The following CDK15 variants were observed in gnomAD, a reference collection of about 807,000 sequenced individuals.
CDK15 encodes the protein cyclin dependent kinase 15.
Under a neutral mutation model 60.3 loss-of-function variants are expected in CDK15, and 62 were observed. The observed-to-expected ratio is 1.03, with a 90% CI of 0.84 to 1.27. The LOEUF (loss-of-function observed/expected upper bound fraction) is 1.27. CDK15 is among the 50% of genes most tolerant of loss of function. The probability of loss-of-function intolerance (pLI) is 0.00; values close to 1 mark genes in which losing one functional copy is unlikely to be tolerated. For synonymous variants in CDK15, 194 were observed against 195.7 expected (o/e 0.99, Z 0.07); for missense variants, 541 against 527.8 (o/e 1.03, Z -0.25).
chr2:201,815,263 C>T (rs1371128581), intron 4 of CDK15, among the ~76,000 whole-genome samples: 1 of 152,102 alleles, frequency 6.6e-6, no homozygotes, highest in Non-Finnish European at 1.5e-5. Flanking sequence ...TTCTTTCAAT[C>T]CTCTTAACAA....
intron 12 of CDK15, chr2:201,889,238 G>A (rs1469407297): frequency 9.1e-6 from 9 of 985,230 alleles, no homozygotes; most frequent in Non-Finnish European, 1.1e-5. Flanking sequence ...CTCTCTTTTT[G>A]TTAAATTGTG....
chr2:201,833,935 A>G lies in CDK15; in HGVS notation c.694A>G (p.Ile232Val). 1 of 1,613,848 alleles carries G rather than the reference A, an allele frequency of 6.2e-7. No homozygotes were observed. Among genetic ancestry groups the G allele is most frequent in the Non-Finnish European group, 8.5e-7 (1 of 1,179,930 alleles). Reference protein sequence around the residue: ...HRDLKPQNLLISHLGELKLAD... With the variant: ...HRDLKPQNLLVSHLGELKLAD... ...GGACCTGAAACCTCAGAACTTACTC[A>G]TCAGTCACCTGGGAGAGCTCAAACT... The change falls in exon 7 of 14, where the codon ATC (isoleucine) becomes GTC (valine). Residue 232 changes from isoleucine (I) to valine (V), a missense_variant. Ile to Val is a conservative substitution (Grantham distance 29, BLOSUM62 3). Coordinates refer to ENST00000652192, the MANE Select transcript of CDK15 (RefSeq NM_001366386.2).
At chr2:201,819,235 G>A (rs551047042) in intron 4 of CDK15, among the ~76,000 whole-genome samples, 181 of 152,222 alleles carry the variant, frequency 1.2e-3, no homozygotes, top group Non-Finnish European at 2.1e-3. Context: ...TCACTTGAGC[G>A]GAGGCTCTGA....
chr2:201,822,659 A>G, intron 4 of CDK15, 150 bp from the exon 5 acceptor site: 1 of 534,502 alleles, frequency 1.9e-6, no homozygotes. Flanking sequence ...GTAATTTTAA[A>G]TATTCTTTTG....
chr2:201,812,188 A>AAC (rs1209179381), intron 3 of CDK15, among the ~76,000 whole-genome samples: 13 of 143,694 alleles, frequency 9.0e-5, no homozygotes, highest in African/African-American at 3.7e-4. Context: ...AAAAAAAAAA[A>AAC]AAACAAAAAA....
intron 3 of CDK15, among the ~76,000 whole-genome samples, chr2:201,809,841 TG>T (rs1695676062): frequency 6.6e-6 from 1 of 152,122 alleles, no homozygotes; most frequent in Non-Finnish European, 1.5e-5. Context: ...CTGTTCCCTC[TG>T]CCTGGAGCTG....
chr2:201,884,222 T>C (rs1699378400), intron 12 of CDK15, among the ~76,000 whole-genome samples: 1 of 152,220 alleles, frequency 6.6e-6, no homozygotes, highest in South Asian at 2.1e-4. Flanking sequence ...GGTCCCATTT[T>C]GCTTGCTAGC....
chr2:201,841,728 G>A (rs907913698), intron 8 of CDK15, among the ~76,000 whole-genome samples: 5 of 152,186 alleles, frequency 3.3e-5, no homozygotes, highest in African/African-American at 1.2e-4. Flanking sequence ...TCACAATGAG[G>A]CCTGGTGGCA....
At chr2:201,860,668 T>C in intron 10 of CDK15, 1 of 1,342,764 alleles carries the variant, frequency 7.4e-7, no homozygotes, top group Non-Finnish European at 9.8e-7. Context: ...GAATCAGATG[T>C]ACCATAAGCG....
intron 4 of CDK15, among the ~76,000 whole-genome samples, chr2:201,821,656 G>T (rs1696223567): frequency 6.6e-6 from 1 of 152,004 alleles, no homozygotes; most frequent in Non-Finnish European, 1.5e-5. Context: ...ATGCAGGGTT[G>T]CCCTGAGGTG....
chr2:201,876,034 T>C (rs1699065615), intron 11 of CDK15, among the ~76,000 whole-genome samples: 1 of 152,220 alleles, frequency 6.6e-6, no homozygotes, highest in Non-Finnish European at 1.5e-5. Context: ...ACTCCTGTCA[T>C]GTTTGGTAGT....
At chr2:201,878,508 C>G (rs1309547798) in intron 11 of CDK15, among the ~76,000 whole-genome samples, 1 of 152,194 alleles carries the variant, frequency 6.6e-6, no homozygotes, top group Non-Finnish European at 1.5e-5. Context: ...ACCACCTCTT[C>G]CCATTATAGG....
At position 201,835,768 on chromosome 2, in the gene CDK15, G is replaced by C; in HGVS notation, c.851+5G>C. ...TTCCTCTGAGCTGGACATATGGTAA[G>C]AGTGGTGCCGAGAAAATGTGAGTCA... On this transcript the variant is annotated splice_donor_5th_base_variant and intron_variant, in intron 8 of 13. Transcript: ENST00000652192. 2 of 1,519,488 alleles carry C rather than the reference G, an allele frequency of 1.3e-6. No individual in the cohort carries two copies. Among genetic ancestry groups the C allele is most frequent in the South Asian group, 2.7e-5 (2 of 74,490 alleles). 94.1% of individuals were successfully genotyped at this position (1,519,488 alleles called of 1,614,324 possible). A position where few individuals can be genotyped will look rare whatever the true frequency, so the allele number is the denominator to read the frequency against.
chr2:201,862,890 A>G (rs17385325), intron 10 of CDK15, among the ~76,000 whole-genome samples: 8,894 of 152,244 alleles, frequency 0.058, 361 homozygotes, highest in Non-Finnish European at 0.082. Flanking sequence ...TTCATTTCCA[A>G]ATGATTATGT....
At chr2:201,845,835 A>T (rs1574894084) in intron 8 of CDK15, among the ~76,000 whole-genome samples, 3 of 134,308 alleles carry the variant, frequency 2.2e-5, no homozygotes. Context: ...GTTTGCGGTT[A>T]AAAAAAAAAA....
At chr2:201,842,891 C>T (rs369943917) in intron 8 of CDK15, among the ~76,000 whole-genome samples, 7 of 152,280 alleles carry the variant, frequency 4.6e-5, no homozygotes, top group South Asian at 2.1e-4. Context: ...TTCGTCTACA[C>T]GGGCTGCCCC....
At chr2:201,879,407 T>G (rs1016480807) in intron 11 of CDK15, among the ~76,000 whole-genome samples, 1 of 152,120 alleles carries the variant, frequency 6.6e-6, no homozygotes, top group African/African-American at 2.4e-5. Context: ...TGAGACAGAG[T>G]CTTGTTCTGT....
intron 10 of CDK15, chr2:201,861,565 C>CTTTTTTTTTTTTTTTTTTTTTTTTTT (rs869051401): frequency 2.0e-6 from 1 of 504,544 alleles, no homozygotes; most frequent in Non-Finnish European, 2.4e-6. Flanking sequence ...TTTTTTTTTT[C>CTTTTTTTTTTTTTTTTTTTTTTTTTT]TTTTTTTTTT....
At chr2:201,842,545 A>G (rs1697438406) in intron 8 of CDK15, among the ~76,000 whole-genome samples, 1 of 152,244 alleles carries the variant, frequency 6.6e-6, no homozygotes, top group Admixed American at 6.5e-5. Context: ...CAACAGTAAG[A>G]AATGAAATAC....
Sources: gnomAD v4.1 joint callset for allele counts (sites outside exome capture counted in the v4.1 genomes callset) on GRCh38, gnomAD v4.1.1 for gene constraint, MANE v1.5 for transcripts, NCBI Gene and HGNC (gene_info 2026-07-23, HGNC 2026-07-21) for gene names.